Variants in VPS8 observed in about 807,000 individuals in gnomAD.
The protein encoded by VPS8 is vacuolar protein sorting-associated protein 8 homolog.
A neutral mutation model predicts 216.4 loss-of-function variants in VPS8; 129 were observed. That is an observed-to-expected ratio of 0.60 (90% CI 0.52 to 0.69). VPS8 has a LOEUF of 0.69. VPS8 is among the 30% of genes least tolerant of loss of function. The pLI is 0.00. For synonymous variants in VPS8, 571 were observed against 565.4 expected (o/e 1.01, Z -0.14); for missense variants, 1,531 against 1,683.5 (o/e 0.91, Z 1.59).
At chr3:184,891,178 A>G (rs903632983) in intron 22 of VPS8, among the ~76,000 whole-genome samples, 5 of 152,176 alleles carry the variant, frequency 3.3e-5, no homozygotes, top group African/African-American at 1.2e-4. Flanking sequence ...TTGAGTTTAT[A>G]TCACTGTAAG....
At chr3:185,048,896 C>T (rs757717370) in intron 47 of VPS8, among the ~76,000 whole-genome samples, 4 of 152,142 alleles carry the variant, frequency 2.6e-5, no homozygotes, top group Non-Finnish European at 4.4e-5. Context: ...CCAATCTGTC[C>T]GAAGCCCTAG....
rs755697047 is a variant in VPS8, at chr3:184,936,236, T to G, written c.2899-10T>G. ...ATTAGAGATGGCTTTGTCTTTTCCTTTAACTCCAGGAACTCGTGTCCCTGA... is the reference window on the plus strand; with the variant it reads ...ATTAGAGATGGCTTTGTCTTTTCCTGTAACTCCAGGAACTCGTGTCCCTGA... On this transcript the variant is annotated splice_polypyrimidine_tract_variant and intron_variant, in intron 34 of 47. Coordinates refer to ENST00000625842, the MANE Select transcript of VPS8 (RefSeq NM_001009921.3). 1 of 1,598,484 alleles carries G rather than the reference T, an allele frequency of 6.3e-7. No homozygotes were observed.
At chr3:184,826,453 G>A (rs1345752538) in intron 3 of VPS8, among the ~76,000 whole-genome samples, 3 of 152,186 alleles carry the variant, frequency 2.0e-5, no homozygotes, top group African/African-American at 7.2e-5. Context: ...TGTGGCTAGT[G>A]GCTACTATAT....
At chr3:185,034,379 C>A (rs749461612) in intron 46 of VPS8, among the ~76,000 whole-genome samples, 1 of 152,066 alleles carries the variant, frequency 6.6e-6, no homozygotes, top group Non-Finnish European at 1.5e-5. Context: ...ATTTGCATTT[C>A]TCTGATGATT....
intron 40 of VPS8, among the ~76,000 whole-genome samples, chr3:184,976,215 C>T (rs1749244289): frequency 1.3e-5 from 2 of 152,114 alleles, no homozygotes; most frequent in Admixed American, 1.3e-4. Flanking sequence ...TTTAATTAAT[C>T]ACAGTGTTTT....
At chr3:184,908,598 G>A (rs1735915376) in intron 25 of VPS8, among the ~76,000 whole-genome samples, 1 of 152,226 alleles carries the variant, frequency 6.6e-6, no homozygotes, top group African/African-American at 2.4e-5. Context: ...TCGGCCTCTG[G>A]CCCCATTGTG....
chr3:184,997,924 C>T lies in VPS8; in HGVS notation c.3836+1423C>T, dbSNP rs139216705. ...CAGGAAAGCCTTCTTGTTTAAGTGA[C>T]GTTTGAGGGGATCTAAAGGAAGTGG... On this transcript the variant is annotated intron_variant, in intron 44 of 47. Transcript: ENST00000625842. Among the ~76,000 whole-genome samples the T allele has an allele frequency of 8.3e-3, 1,270 of 152,168 alleles. 15 individuals are homozygous for T. The highest frequency in any genetic ancestry group is 0.017 in the Middle Eastern group (5 of 294).
intron 46 of VPS8, among the ~76,000 whole-genome samples, chr3:185,032,638 G>A (rs1029900266): frequency 7.0e-6 from 1 of 143,790 alleles, no homozygotes; most frequent in African/African-American, 2.5e-5. Flanking sequence ...TAAGCAGTTT[G>A]ATTTTGTTAA....
chr3:184,824,392 A>G (rs1718262652), intron 1 of VPS8, among the ~76,000 whole-genome samples, 153 bp from the exon 2 acceptor site: 1 of 152,192 alleles, frequency 6.6e-6, no homozygotes, highest in Admixed American at 6.6e-5. Context: ...TCCTAATAAC[A>G]TACCCTGTAC....
At chr3:184,915,090 G>C in intron 27 of VPS8, 37 bp downstream of exon 27, 2 of 1,604,514 alleles carry the variant, frequency 1.2e-6, no homozygotes, top group African/African-American at 1.3e-5. Flanking sequence ...ACTGTTCTCC[G>C]TCTCTGGTTA....
At chr3:185,017,065 G>A (rs1045059844) in intron 45 of VPS8, among the ~76,000 whole-genome samples, 13 of 151,894 alleles carry the variant, frequency 8.6e-5, no homozygotes, top group Non-Finnish European at 1.6e-4. Flanking sequence ...TGCCTTTGAG[G>A]GCTATATAAT....
In VPS8 at chr3:184,855,661, C is replaced by A. The variant is rs770348068; in HGVS notation, c.1036-50C>A. ...TTTTTAACCATAGTTTTCTCTTTGT[C>A]CCCTTGTTTATTAACTGTGATGATT... On this transcript the variant is annotated intron_variant, in intron 13 of 47. Coordinates refer to ENST00000625842, the MANE Select transcript of VPS8 (RefSeq NM_001009921.3). 6 of 1,398,814 alleles carry A rather than the reference C, an allele frequency of 4.3e-6. No homozygotes were observed. The South Asian group carries it at 7.2e-5, about 17-fold the overall frequency. 86.7% of individuals were successfully genotyped at this position (1,398,814 alleles called of 1,614,324 possible).
In VPS8 at chr3:184,842,186, C is replaced by CAAAAAAAAAAAAAAAA. The variant is rs71162267; in HGVS notation, c.536-1046_536-1031dup. On this transcript the variant is annotated intron_variant, in intron 7 of 47. Coordinates refer to ENST00000625842, the MANE Select transcript of VPS8 (RefSeq NM_001009921.3). ...TGGGTGACAGAGCGAGACTCCGTCT[C>CAAAAAAAAAAAAAAAA]AAAAAAAAAAAAAAAAAAAAAAAGA... Among the ~76,000 whole-genome samples, 34 of 48,970 alleles carry CAAAAAAAAAAAAAAAA rather than the reference C, an allele frequency of 6.9e-4. 2 individuals are homozygous for CAAAAAAAAAAAAAAAA. The highest frequency in any genetic ancestry group is 3.8e-3 in the South Asian group (4 of 1,060). The allele number at this position is 48,970 out of a possible 152,430, so 32.1% of individuals were successfully genotyped here.
At chr3:184,866,670 A>G (rs1727417484) in intron 16 of VPS8, among the ~76,000 whole-genome samples, 1 of 152,224 alleles carries the variant, frequency 6.6e-6, no homozygotes. Context: ...GCTGGGATGT[A>G]GGAGATGAAA....
chr3:184,890,955 T>C (rs1254046502), intron 22 of VPS8, among the ~76,000 whole-genome samples: 2 of 152,154 alleles, frequency 1.3e-5, no homozygotes, highest in East Asian at 3.8e-4. Flanking sequence ...ATTTTACCTA[T>C]GCAAAATATA....
intron 1 of VPS8, among the ~76,000 whole-genome samples, chr3:184,822,867 G>A (rs902359023): frequency 6.6e-6 from 1 of 152,182 alleles, no homozygotes; most frequent in African/African-American, 2.4e-5. Flanking sequence ...GCAAAGAGTG[G>A]CCTCAGTTAT....
chr3:184,877,339 T>G (rs1424969694), intron 21 of VPS8, among the ~76,000 whole-genome samples: 1 of 152,268 alleles, frequency 6.6e-6, no homozygotes, highest in Admixed American at 6.5e-5. Context: ...GTCATTGCCG[T>G]ATGCCCAGCA....
chr3:184,896,187 T>C (rs1733435105), intron 23 of VPS8, among the ~76,000 whole-genome samples: 1 of 152,160 alleles, frequency 6.6e-6, no homozygotes, highest in South Asian at 2.1e-4. Flanking sequence ...CTTTGTATTA[T>C]ATGGCTAATT....
rs368727809 is a variant in VPS8, at chr3:184,874,037, CATAAA to C, written c.1734+3237_1734+3241del. Reference sequence around the variant, plus strand: ...GTTGTTTTGTTTAATCATATTTAATCATAAAATAATTATATAGGTTGACTTTTAAA... The same window carrying C: ...GTTGTTTTGTTTAATCATATTTAATCATAATTATATAGGTTGACTTTTAAA... On this transcript the variant is annotated intron_variant, in intron 21 of 47. Coordinates refer to ENST00000625842, the MANE Select transcript of VPS8 (RefSeq NM_001009921.3). Among the ~76,000 whole-genome samples, 337 of 151,628 alleles carry C rather than the reference CATAAA, an allele frequency of 2.2e-3. 3 individuals are homozygous for C. The highest frequency in any genetic ancestry group is 8.0e-3 in the African/African-American group (331 of 41,394).
Sources: gnomAD v4.1 joint callset for allele counts (sites outside exome capture counted in the v4.1 genomes callset) on GRCh38, gnomAD v4.1.1 for gene constraint, MANE v1.5 for transcripts, NCBI Gene and HGNC (gene_info 2026-07-23, HGNC 2026-07-21) for gene names.